Variants in SYCP1 observed in about 807,000 individuals in gnomAD.
SYCP1 encodes the protein synaptonemal complex protein 1.
A neutral mutation model predicts 153.1 loss-of-function variants in SYCP1; 64 were observed. The observed-to-expected ratio is 0.42, with a 90% CI of 0.34 to 0.51. SYCP1 has a LOEUF of 0.51. Ranked by LOEUF, SYCP1 falls within the 20% of genes least tolerant of loss-of-function variation. SYCP1 has a pLI of 0.06. For missense variants in SYCP1, 997 were observed against 1,049.0 expected, an observed-to-expected ratio of 0.95 and a Z score of 0.68; for synonymous variants, 384 against 341.8, an observed-to-expected ratio of 1.12 and a Z score of -1.36.
intron 27 of SYCP1, among the ~76,000 whole-genome samples, chr1:114,963,605 C>T (rs544157539): frequency 6.6e-6 from 1 of 152,018 alleles, no homozygotes; most frequent in African/African-American, 2.4e-5. Flanking sequence ...CTTCCACTTA[C>T]AAGTGAGAAC....
intron 27 of SYCP1, among the ~76,000 whole-genome samples, chr1:114,966,659 G>A (rs1006617401): frequency 2.6e-5 from 4 of 151,086 alleles, no homozygotes; most frequent in Admixed American, 1.3e-4. Flanking sequence ...GTGGTTTTGA[G>A]TGAATTCCTG....
rs544293885 is a variant in SYCP1 at position 114,896,012 on chromosome 1, C to T, written c.1320+503C>T. ...TTACAGTTTGTGGGCCATACATGGT[C>T]TCTCTTTTCTCCTTCTCTGCCTTTG... On this transcript the variant is annotated intron_variant, in intron 16 of 31. Transcript: ENST00000369522. Among the ~76,000 whole-genome samples the T allele has an allele frequency of 3.3e-5, 5 of 152,200 alleles. No homozygotes were observed. In the East Asian group the frequency reaches 9.6e-4, roughly 29 times the overall value.
chr1:114,858,738 A>C, intron 6 of SYCP1, 27 bp downstream of exon 6: 1 of 1,572,080 alleles, frequency 6.4e-7, no homozygotes, highest in Non-Finnish European at 8.7e-7. Flanking sequence ...CATTGTAAAC[A>C]TAGTATAGTA....
chr1:114,876,642 A>G (rs1665557463), intron 10 of SYCP1, 95 bp from the exon 11 acceptor site: 1 of 573,652 alleles, frequency 1.7e-6, no homozygotes, highest in Admixed American at 4.3e-5. Context: ...TTTAGAGATA[A>G]ATAAAGAGGT....
chr1:114,905,080 T>C (rs1161501060), intron 16 of SYCP1, among the ~76,000 whole-genome samples: 1 of 152,212 alleles, frequency 6.6e-6, no homozygotes, highest in Admixed American at 6.5e-5. Flanking sequence ...TGAATTTTAT[T>C]TGTTAATATT....
chr1:114,856,936 A>C (rs1029377239), intron 3 of SYCP1, among the ~76,000 whole-genome samples: 1 of 146,948 alleles, frequency 6.8e-6, no homozygotes, highest in South Asian at 2.1e-4. Flanking sequence ...AAAAAAAAAA[A>C]AAAAAAAAAC....
chr1:114,921,560 T>G (rs1423486338), intron 20 of SYCP1, among the ~76,000 whole-genome samples: 1 of 151,524 alleles, frequency 6.6e-6, no homozygotes, highest in African/African-American at 2.4e-5. Context: ...GTGCCTGTAA[T>G]CCTAGCTACT....
intron 27 of SYCP1, among the ~76,000 whole-genome samples, chr1:114,960,201 T>C (rs1671697016): frequency 6.9e-6 from 1 of 143,994 alleles, no homozygotes; most frequent in Non-Finnish European, 1.5e-5. Context: ...GGAGTCTTGC[T>C]CTGTTGCCCA....
intron 21 of SYCP1, 123 bp from the exon 22 acceptor site, chr1:114,926,155 G>T: frequency 3.1e-6 from 2 of 647,888 alleles, no homozygotes; most frequent in Admixed American, 4.7e-5. Context: ...TTATATTAAT[G>T]GAATTACCAT....
At chr1:114,947,966 G>T (rs902611788) in intron 27 of SYCP1, among the ~76,000 whole-genome samples, 1 of 148,470 alleles carries the variant, frequency 6.7e-6, no homozygotes, top group Non-Finnish European at 1.5e-5. Context: ...GTGCAGGTTT[G>T]TTACATATGT....
At chr1:114,889,105 T>C (rs1248035346) in intron 15 of SYCP1, among the ~76,000 whole-genome samples, 1 of 152,258 alleles carries the variant, frequency 6.6e-6, no homozygotes, top group East Asian at 1.9e-4. Flanking sequence ...CAGTCTATCA[T>C]TGATGGACAT....
chr1:114,940,682 G>C (rs1462458698), intron 23 of SYCP1, among the ~76,000 whole-genome samples: 2 of 152,068 alleles, frequency 1.3e-5, no homozygotes, highest in African/African-American at 4.8e-5. Flanking sequence ...TTGCCTGATG[G>C]CCCAATATAT....
At chr1:114,908,530 G>C (rs1667972151) in intron 16 of SYCP1, among the ~76,000 whole-genome samples, 1 of 152,040 alleles carries the variant, frequency 6.6e-6, no homozygotes, top group South Asian at 2.1e-4. Flanking sequence ...TTCCTGAGGT[G>C]CTATTCATTT....
chr1:114,894,762 A>G (rs1666948431), intron 15 of SYCP1, among the ~76,000 whole-genome samples: 1 of 152,128 alleles, frequency 6.6e-6, no homozygotes, highest in Non-Finnish European at 1.5e-5. Flanking sequence ...GTATCACAAA[A>G]TGGTTATTGG....
At chr1:114,869,131 G>A (rs1382697469) in intron 8 of SYCP1, among the ~76,000 whole-genome samples, 1 of 152,110 alleles carries the variant, frequency 6.6e-6, no homozygotes, top group African/African-American at 2.4e-5. Flanking sequence ...TGGAAACTTA[G>A]ATGATTGATT....
intron 30 of SYCP1, among the ~76,000 whole-genome samples, chr1:114,989,195 A>C (rs549381066): frequency 4.6e-5 from 7 of 151,778 alleles, no homozygotes; most frequent in Non-Finnish European, 8.8e-5. Context: ...ACCAAAAAAA[A>C]CCCCAAAAAC....
intron 27 of SYCP1, among the ~76,000 whole-genome samples, chr1:114,965,647 A>G (rs939123966): frequency 2.6e-5 from 4 of 152,024 alleles, no homozygotes; most frequent in African/African-American, 9.7e-5. Context: ...TGTTTATGTG[A>G]TGGATTATGT....
chr1:114,873,251 A>C (rs893771179), intron 8 of SYCP1, among the ~76,000 whole-genome samples: 2 of 152,156 alleles, frequency 1.3e-5, no homozygotes, highest in African/African-American at 2.4e-5. Flanking sequence ...GTACTGGGTA[A>C]AGGAATTGTT....
chr1:114,984,373 A>G (rs2101960442), intron 29 of SYCP1, among the ~76,000 whole-genome samples: 1 of 152,090 alleles, frequency 6.6e-6, no homozygotes, highest in East Asian at 1.9e-4. Flanking sequence ...TCACTCAGTT[A>G]TTTTTTTCGA....
Sources: gnomAD v4.1 joint callset for allele counts (sites outside exome capture counted in the v4.1 genomes callset) on GRCh38, gnomAD v4.1.1 for gene constraint, MANE v1.5 for transcripts, NCBI Gene and HGNC (gene_info 2026-07-23, HGNC 2026-07-21) for gene names.